The following MIPOL1 variants were observed in gnomAD, a reference collection of about 807,000 sequenced individuals.
The protein encoded by MIPOL1 is mirror-image polydactyly gene 1 protein.
A neutral mutation model predicts 60.9 loss-of-function variants in MIPOL1; 57 were observed. The observed-to-expected ratio is 0.94, with a 90% CI of 0.76 to 1.17. MIPOL1 has a LOEUF of 1.17. MIPOL1 is among the 50% of genes most tolerant of loss of function. The pLI, the probability that MIPOL1 is intolerant of heterozygous loss-of-function variation, is 0.00. For missense variants in MIPOL1, 551 were observed against 511.6 expected (o/e 1.08, Z -0.74); for synonymous variants, 179 against 168.8 (o/e 1.06, Z -0.47).
At chr14:37,390,835 G>GA (rs1342314524) in intron 10 of MIPOL1, among the ~76,000 whole-genome samples, 6 of 151,962 alleles carry the variant, frequency 3.9e-5, no homozygotes, top group African/African-American at 1.4e-4. Context: ...AAGGAGATGA[G>GA]AAAGACAACG....
chr14:37,308,134 T>C, intron 8 of MIPOL1, 45 bp downstream of exon 8: 2 of 1,565,920 alleles, frequency 1.3e-6, no homozygotes, highest in Non-Finnish European at 1.7e-6. Context: ...GTCTTATATC[T>C]TAGAGGCTTA....
At chr14:37,311,831 G>A (rs1461857826) in intron 9 of MIPOL1, among the ~76,000 whole-genome samples, 1 of 152,128 alleles carries the variant, frequency 6.6e-6, no homozygotes, top group Non-Finnish European at 1.5e-5. Flanking sequence ...ATGTTATTCA[G>A]AATTCACCAG....
chr14:37,346,002 C>A (rs2153466236), intron 9 of MIPOL1, among the ~76,000 whole-genome samples: 1 of 152,266 alleles, frequency 6.6e-6, no homozygotes, highest in East Asian at 1.9e-4. Flanking sequence ...TGTCCTGTCT[C>A]TTTTTATTTG....
intron 11 of MIPOL1, among the ~76,000 whole-genome samples, chr14:37,435,191 AC>A (rs1334237985): frequency 2.6e-5 from 4 of 151,960 alleles, no homozygotes; most frequent in African/African-American, 9.7e-5. Flanking sequence ...TACCTCTCTA[AC>A]CTTATTTCTT....
rs534772514 is a variant in MIPOL1, at chr14:37,381,917, G to A, written c.936+12293G>A. On this transcript the variant is annotated intron_variant, in intron 10 of 12. Coordinates refer to ENST00000684589, the MANE Select transcript of MIPOL1 (RefSeq NM_001388067.1). Reference sequence around the variant, plus strand: ...AATTAGAATATCTTACTCTGAATTTGAAAACTTGCCTAGTGTAGACTTTGT... The same window carrying A: ...AATTAGAATATCTTACTCTGAATTTAAAAACTTGCCTAGTGTAGACTTTGT... Among the ~76,000 whole-genome samples the A allele has an allele frequency of 2.6e-5, 4 of 152,044 alleles. No individual in the cohort carries two copies. The East Asian group carries it at 7.7e-4, about 29-fold the overall frequency.
intron 12 of MIPOL1, among the ~76,000 whole-genome samples, chr14:37,536,781 T>C (rs891962358): frequency 6.6e-6 from 1 of 152,210 alleles, no homozygotes; most frequent in Non-Finnish European, 1.5e-5. Flanking sequence ...AATTGTTACT[T>C]TGACTATTTG....
intron 3 of MIPOL1, among the ~76,000 whole-genome samples, chr14:37,258,577 G>A (rs748939118): frequency 6.6e-6 from 1 of 152,054 alleles, no homozygotes; most frequent in African/African-American, 2.4e-5. Flanking sequence ...TATTTGTAGT[G>A]TTTTTAACAT....
chr14:37,543,134 T>C (rs1235086072), intron 12 of MIPOL1, among the ~76,000 whole-genome samples: 1 of 152,220 alleles, frequency 6.6e-6, no homozygotes, highest in African/African-American at 2.4e-5. Context: ...CACCTCATTC[T>C]ATCCTCAGAG....
intron 12 of MIPOL1, among the ~76,000 whole-genome samples, chr14:37,531,567 T>C (rs1337508213): frequency 6.6e-6 from 1 of 152,190 alleles, no homozygotes; most frequent in Non-Finnish European, 1.5e-5. Context: ...TTACTCAAAA[T>C]AGGTATTTCT....
intron 11 of MIPOL1, among the ~76,000 whole-genome samples, chr14:37,440,417 C>T (rs1429570946): frequency 1.3e-5 from 2 of 151,886 alleles, no homozygotes; most frequent in South Asian, 2.1e-4. Flanking sequence ...TCATTATCTA[C>T]CCCCTTTGTA....
At chr14:37,442,017 G>A (rs1031827807) in intron 11 of MIPOL1, among the ~76,000 whole-genome samples, 11 of 151,856 alleles carry the variant, frequency 7.2e-5, no homozygotes, top group African/African-American at 2.7e-4. Context: ...GAGCCACCAT[G>A]CCCCACCACT....
intron 10 of MIPOL1, among the ~76,000 whole-genome samples, chr14:37,406,291 T>A (rs2093586285): frequency 6.6e-6 from 1 of 152,142 alleles, no homozygotes; most frequent in South Asian, 2.1e-4. Flanking sequence ...AATTGCAGAT[T>A]GCATAATTTC....
intron 9 of MIPOL1, among the ~76,000 whole-genome samples, chr14:37,351,076 G>A (rs1323057980): frequency 8.8e-6 from 1 of 113,028 alleles, no homozygotes; most frequent in East Asian, 2.6e-4. Context: ...ACCCCACAAC[G>A]GTCCCCAGAG....
In MIPOL1 at chr14:37,342,977, A is replaced by G. The variant is rs373869661; in HGVS notation, c.829-26540A>G. Reference sequence around the variant, plus strand: ...TTAATATAGTATTTTAGGATTGTTTATATGTAGTTAAAATATATATTTATA... The same window carrying G: ...TTAATATAGTATTTTAGGATTGTTTGTATGTAGTTAAAATATATATTTATA... On this transcript the variant is annotated intron_variant, in intron 9 of 12. Coordinates refer to ENST00000684589, the MANE Select transcript of MIPOL1 (RefSeq NM_001388067.1). 8.7e-5 allele frequency among the ~76,000 whole-genome samples: 13 copies of G among 149,842 alleles called. No individual in the cohort carries two copies. In the East Asian group the frequency reaches 2.1e-3, roughly 25 times the overall value.
intron 7 of MIPOL1, among the ~76,000 whole-genome samples, chr14:37,299,602 G>T (rs745973078): frequency 1.3e-4 from 20 of 151,958 alleles, no homozygotes; most frequent in Non-Finnish European, 2.5e-4. Context: ...CAATTTTTTA[G>T]ATATTTTTTA....
At chr14:37,481,612 C>CACACACACACA (rs1555356178) in intron 11 of MIPOL1, among the ~76,000 whole-genome samples, 5 of 138,276 alleles carry the variant, frequency 3.6e-5, no homozygotes, top group African/African-American at 5.5e-5. Flanking sequence ...CACACACACA[C>CACACACACACA]CGAAACCACA....
intron 11 of MIPOL1, among the ~76,000 whole-genome samples, chr14:37,479,844 G>T (rs907665463): frequency 1.3e-5 from 2 of 152,008 alleles, no homozygotes; most frequent in Non-Finnish European, 2.9e-5. Flanking sequence ...AATCAGAAAT[G>T]AAAGAGGAGA....
intron 11 of MIPOL1, among the ~76,000 whole-genome samples, chr14:37,496,811 C>A (rs1466577901): frequency 6.6e-6 from 1 of 152,116 alleles, no homozygotes; most frequent in East Asian, 1.9e-4. Flanking sequence ...CTTTAAAGTT[C>A]GTATGGAACC....
intron 1 of MIPOL1, among the ~76,000 whole-genome samples, chr14:37,200,898 G>GTGT (rs1566965436): frequency 2.4e-5 from 1 of 42,434 alleles, no homozygotes; most frequent in Non-Finnish European, 4.2e-5. Flanking sequence ...GTGTGTGTGT[G>GTGT]TATTTTTTTT....
Sources: gnomAD v4.1 joint callset for allele counts (sites outside exome capture counted in the v4.1 genomes callset) on GRCh38, gnomAD v4.1.1 for gene constraint, MANE v1.5 for transcripts, NCBI Gene and HGNC (gene_info 2026-07-23, HGNC 2026-07-21) for gene names.